IFT140: variants seen among roughly 807,000 people sequenced by gnomAD.
The protein encoded by IFT140 is intraflagellar transport 140.
In IFT140, 133 loss-of-function variants were observed where a neutral mutation model predicts 164.6. That is an observed-to-expected ratio of 0.81 (90% CI 0.70 to 0.93). The LOEUF (loss-of-function observed/expected upper bound fraction) is 0.93. Among genes scored for constraint, IFT140 ranks in the 40% least tolerant of loss-of-function variants. The pLI is 0.00. For synonymous variants in IFT140, 860 were observed against 817.3 expected (o/e 1.05, Z -0.89); for missense variants, 2,045 against 1,972.3 (o/e 1.04, Z -0.70).
chr16:1,605,848 C>G (rs1032791128), intron 3 of IFT140, among the ~76,000 whole-genome samples: 5 of 152,224 alleles, frequency 3.3e-5, no homozygotes, highest in African/African-American at 1.2e-4. Flanking sequence ...GTCCTTGTGA[C>G]ATGGCGTCCT....
chr16:1,597,829 C>T (rs1451540570), intron 4 of IFT140, among the ~76,000 whole-genome samples: 1 of 152,082 alleles, frequency 6.6e-6, no homozygotes, highest in Non-Finnish European at 1.5e-5. Context: ...GCTATGTTGC[C>T]CAGGCTAGAC....
chr16:1,561,850 G>T, intron 18 of IFT140, 135 bp downstream of exon 18: 1 of 767,164 alleles, frequency 1.3e-6, no homozygotes, highest in Non-Finnish European at 2.0e-6. Context: ...GATGGCTGAT[G>T]CTGTCTACGG....
At chr16:1,584,775 A>C (rs998076417) in intron 10 of IFT140, among the ~76,000 whole-genome samples, 3 of 152,244 alleles carry the variant, frequency 2.0e-5, no homozygotes, top group African/African-American at 7.2e-5. Flanking sequence ...GGAAGTTTAC[A>C]TAATGGATTA....
intron 13 of IFT140, among the ~76,000 whole-genome samples, chr16:1,574,752 T>C (rs970363228): frequency 1.3e-5 from 2 of 148,828 alleles, no homozygotes; most frequent in Non-Finnish European, 3.0e-5. Flanking sequence ...CCATGGCACT[T>C]GACCTTTGCA....
At position 1,519,943 on chromosome 16, in the gene IFT140, C is replaced by G. The variant is rs758053488; in HGVS notation, c.3978G>C (p.Glu1326Asp). 3 of 1,605,024 alleles carry G rather than the reference C, an allele frequency of 1.9e-6. No individual in the cohort carries two copies. The highest frequency in any genetic ancestry group is 1.7e-6 in the Non-Finnish European group (2 of 1,176,424). The change falls in exon 29 of 31, where the codon GAG (glutamate) becomes GAC (aspartate). Residue 1326 changes from glutamate (E) to aspartate (D), a missense_variant. Transcript: ENST00000426508. ...TGCTCTGCAGCTGCGCCAGCCTGGTCTCCTGGTCCAGGGGGCTCTTGGCCT... is the reference window on the plus strand; with the variant it reads ...TGCTCTGCAGCTGCGCCAGCCTGGTGTCCTGGTCCAGGGGGCTCTTGGCCT... ...KAKAKSPLDQ[E>D]TRLAQLQSRM... is the part of the protein sequence containing the mutation.
At chr16:1,517,234 C>A (rs2040387293) in intron 30 of IFT140, among the ~76,000 whole-genome samples, 1 of 151,986 alleles carries the variant, frequency 6.6e-6, no homozygotes. Context: ...CCTGTAGTCC[C>A]AGCTACTTGG....
Position 1,592,337 on chromosome 16 carries a change from C to T in IFT140, c.492-19G>A, listed in dbSNP as rs200506181. On this transcript the variant is annotated intron_variant, in intron 5 of 30. Coordinates refer to ENST00000426508, the MANE Select transcript of IFT140 (RefSeq NM_014714.4). ...CAGGTCCCTGAAAGCAAACACGACA[C>T]GAAGCAAGATTCTTCTGCCACTCCT... 1.2e-5 allele frequency: 20 copies of T among 1,613,904 alleles called. No individual in the cohort carries two copies. The highest frequency in any genetic ancestry group is 1.6e-4 in the Middle Eastern group (1 of 6,082).
Position 1,564,277 on chromosome 16 carries a change from G to A in IFT140, c.1902-115C>T, listed in dbSNP as rs2033593483. 2.1e-5 allele frequency: 17 copies of A among 821,526 alleles called. No individual in the cohort carries two copies. Among genetic ancestry groups the A allele is most frequent in the Admixed American group, 1.0e-4 (3 of 29,404 alleles). The allele number at this position is 821,526 out of a possible 1,614,324, so 50.9% of individuals were successfully genotyped here. A position where few individuals can be genotyped will look rare whatever the true frequency, so the allele number is the denominator to read the frequency against. ...TGCTGTCCCAGACCATGGTGTCCACGCGCTCAGCTCTGGGAGAACTTTTGG... is the reference window on the plus strand; with the variant it reads ...TGCTGTCCCAGACCATGGTGTCCACACGCTCAGCTCTGGGAGAACTTTTGG... On this transcript the variant is annotated intron_variant, in intron 16 of 30. Transcript: ENST00000426508. The surrounding 1 kb of genome is among the most constrained non-coding windows in gnomAD (Gnocchi z 5.5).
At chr16:1,522,362 A>T (rs901279186) in intron 26 of IFT140, among the ~76,000 whole-genome samples, 2 of 151,860 alleles carry the variant, frequency 1.3e-5, no homozygotes, top group Non-Finnish European at 2.9e-5. Context: ...GTCTCAAAAT[A>T]AAAATAAAAA....
chr16:1,534,993 C>T (rs1380471907), intron 19 of IFT140, among the ~76,000 whole-genome samples: 1 of 151,968 alleles, frequency 6.6e-6, no homozygotes, highest in African/African-American at 2.4e-5. Context: ...CTGCTTGAGG[C>T]CAAGAGTTCA....
chr16:1,570,483 C>G (rs1182104811), intron 14 of IFT140, among the ~76,000 whole-genome samples: 1 of 152,186 alleles, frequency 6.6e-6, no homozygotes, highest in Non-Finnish European at 1.5e-5. Flanking sequence ...GCCATCTACC[C>G]TCCATTTGCT....
chr16:1,559,238 T>C (rs2033275492), intron 18 of IFT140, among the ~76,000 whole-genome samples: 1 of 152,248 alleles, frequency 6.6e-6, no homozygotes, highest in African/African-American at 2.4e-5. Context: ...CTGCCTGCTC[T>C]GGTTTAATAA....
chr16:1,514,310 CA>C (rs1457794438), intron 30 of IFT140: 1 of 152,026 alleles, frequency 6.6e-6, no homozygotes, highest in Non-Finnish European at 1.5e-5. Flanking sequence ...GCGGAGCTTG[CA>C]GTGAGCCGAG....
chr16:1,585,916 G>T lies in IFT140; in HGVS notation c.1155+214C>A, dbSNP rs189049206. Among the ~76,000 whole-genome samples, 5 of 151,962 alleles carry T rather than the reference G, an allele frequency of 3.3e-5. No individual in the cohort carries two copies. In the East Asian group the frequency reaches 9.7e-4, roughly 29 times the overall value. ...CTCCTGAGTAGCTGAGGCTACAGGC[G>T]CCCGCCACCACGCCCGGCTAATTTT... On this transcript the variant is annotated intron_variant, in intron 10 of 30. Transcript: ENST00000426508.
intron 19 of IFT140, chr16:1,532,502 A>G (rs2030611839): frequency 6.6e-6 from 1 of 152,286 alleles, no homozygotes; most frequent in African/African-American, 2.4e-5. Flanking sequence ...GTGTGAATGG[A>G]GACTGGTCCC....
chr16:1,547,171 A>G (rs906027597), intron 19 of IFT140, among the ~76,000 whole-genome samples: 10 of 152,140 alleles, frequency 6.6e-5, no homozygotes, highest in Admixed American at 2.0e-4. Context: ...ATGACTTCCA[A>G]TCCTTTTTGG....
chr16:1,566,289 A>C lies in IFT140; in HGVS notation c.1773T>G (p.Ala591=), dbSNP rs1181883911. 24 of 1,613,114 alleles carry C rather than the reference A, an allele frequency of 1.5e-5. No homozygotes were observed. Among genetic ancestry groups the C allele is most frequent in the Non-Finnish European group, 2.0e-5 (23 of 1,179,358 alleles). ...GSTISILPSK[A]DNSPDSKICF... is the part of the protein sequence containing the mutation. ...AGATTTTGGAATCAGGGCTGTTGTCAGCCTAGGAGAAGAGAAAACCAGAAA... is the reference window on the plus strand; with the variant it reads ...AGATTTTGGAATCAGGGCTGTTGTCCGCCTAGGAGAAGAGAAAACCAGAAA... Residue 591 remains alanine (A), a splice_region_variant and synonymous_variant, in exon 16 of 31, where the codon GCT becomes GCG. Coordinates refer to ENST00000426508, the MANE Select transcript of IFT140 (RefSeq NM_014714.4).
At chr16:1,595,508 G>T (rs1012898963) in intron 4 of IFT140, among the ~76,000 whole-genome samples, 1 of 151,400 alleles carries the variant, frequency 6.6e-6, no homozygotes, top group Non-Finnish European at 1.5e-5. Context: ...CCAGCTACTC[G>T]GGAGGCTGAG....
rs768663550 is a variant in IFT140, at chr16:1,525,889, A to G, written c.2766T>C (p.Ser922=). ...GAGGCCGCGAGGGCCGCACTCACTA[A>G]CTGAGGGCCCGGCTGCAGTCGGCGC... is the stretch of plus-strand genomic sequence containing the variant. The part of the protein sequence containing the change: ...EASADCSRAL[S]YYEKSDTHRF... The change falls in exon 21 of 31, where the codon AGT becomes AGC. Residue 922 remains serine, a splice_region_variant and synonymous_variant. Coordinates refer to ENST00000426508, the MANE Select transcript of IFT140 (RefSeq NM_014714.4). 8 of 1,541,276 alleles carry G rather than the reference A, an allele frequency of 5.2e-6. No individual in the cohort carries two copies. The African/African-American group carries it at 9.6e-5, about 18-fold the overall frequency.
Sources: allele counts gnomAD v4.1 joint callset (sites outside exome capture counted in the v4.1 genomes callset), GRCh38; gene constraint gnomAD v4.1.1; non-coding constraint Gnocchi (gnomAD v3.1); transcripts MANE v1.5; gene names NCBI Gene and HGNC (gene_info 2026-07-23, HGNC 2026-07-21).